RAD51B: variants seen among roughly 807,000 people sequenced by gnomAD.
RAD51B encodes the protein RAD51 paralog B, also known as DNA repair protein RAD51 homolog 2.
In RAD51B, 38 loss-of-function variants were observed where a neutral mutation model predicts 42.2. That is an observed-to-expected ratio of 0.90 (90% CI 0.70 to 1.18). The LOEUF is 1.18. RAD51B is among the 50% of genes most tolerant of loss of function. The probability of loss-of-function intolerance (pLI) is 0.00; values close to 1 mark genes in which losing one functional copy is unlikely to be tolerated. For synonymous variants in RAD51B, 154 were observed against 145.2 expected (o/e 1.06, Z -0.43); for missense variants, 373 against 400.7 (o/e 0.93, Z 0.59).
chr14:68,091,207 G>A (rs190163107), intron 7 of RAD51B, among the ~76,000 whole-genome samples: 1 of 152,174 alleles, frequency 6.6e-6, no homozygotes, highest in African/African-American at 2.4e-5. Flanking sequence ...AATCCTTTGG[G>A]TATATACCCA....
chr14:68,647,987 G>T (rs1427191772), intron 10 of RAD51B, among the ~76,000 whole-genome samples: 2 of 129,682 alleles, frequency 1.5e-5, no homozygotes, highest in African/African-American at 5.8e-5. Context: ...ACTCTGATTA[G>T]TTTTTTAAAA....
chr14:68,644,954 A>T (rs566585223), intron 10 of RAD51B, among the ~76,000 whole-genome samples: 6 of 152,188 alleles, frequency 3.9e-5, no homozygotes, highest in Non-Finnish European at 8.8e-5. Context: ...GACCCTACTC[A>T]GTTTGTTGGT....
chr14:68,636,109 C>T (rs931859886), intron 10 of RAD51B, among the ~76,000 whole-genome samples: 3 of 152,190 alleles, frequency 2.0e-5, no homozygotes, highest in African/African-American at 7.2e-5. Flanking sequence ...TGCTGATTGT[C>T]ACCAAACATC....
chr14:68,324,564 C>G (rs1312040568), intron 8 of RAD51B, among the ~76,000 whole-genome samples: 1 of 152,110 alleles, frequency 6.6e-6, no homozygotes, highest in East Asian at 1.9e-4. Context: ...TCTGAAAGAC[C>G]TCTCTAGAAC....
intron 8 of RAD51B, among the ~76,000 whole-genome samples, chr14:68,325,223 A>C (rs2082226551): frequency 6.6e-6 from 1 of 152,242 alleles, no homozygotes; most frequent in Admixed American, 6.5e-5. Context: ...TAAGTGAGTT[A>C]AGATATGTTT....
intron 8 of RAD51B, among the ~76,000 whole-genome samples, chr14:68,334,373 A>C (rs1011535932): frequency 7.9e-5 from 12 of 152,218 alleles, no homozygotes; most frequent in Non-Finnish European, 1.6e-4. Flanking sequence ...AAGAGAAAAC[A>C]TATTTACCAT....
At chr14:68,387,094 G>A (rs945646403) in intron 8 of RAD51B, 4 of 152,282 alleles carry the variant, frequency 2.6e-5, no homozygotes, top group Admixed American at 1.3e-4. Flanking sequence ...CTACTGACCC[G>A]TTTCCTCTCA....
intron 7 of RAD51B, among the ~76,000 whole-genome samples, chr14:68,069,980 G>A (rs1283732343): frequency 1.3e-5 from 2 of 151,968 alleles, no homozygotes; most frequent in Non-Finnish European, 2.9e-5. Context: ...TGGCCAATCT[G>A]ACTGATGTGA....
At chr14:68,085,331 T>C (rs915819033) in intron 7 of RAD51B, among the ~76,000 whole-genome samples, 1 of 152,160 alleles carries the variant, frequency 6.6e-6, no homozygotes, top group South Asian at 2.1e-4. Flanking sequence ...GCTAGTTTAA[T>C]TGAAATCAAG....
intron 8 of RAD51B, among the ~76,000 whole-genome samples, chr14:68,402,520 T>C (rs1414703310): frequency 6.6e-6 from 1 of 152,228 alleles, no homozygotes. Context: ...TTTGTTACTA[T>C]GAAGTTGTGT....
chr14:68,173,409 A>T (rs915534522), intron 7 of RAD51B, among the ~76,000 whole-genome samples: 1 of 152,198 alleles, frequency 6.6e-6, no homozygotes, highest in African/African-American at 2.4e-5. Context: ...CCAAGATTTT[A>T]TTATCCAAGA....
intron 5 of RAD51B, among the ~76,000 whole-genome samples, chr14:67,870,262 CAA>C (rs2042478217): frequency 1.3e-5 from 2 of 151,432 alleles, no homozygotes; most frequent in Non-Finnish European, 2.9e-5. Context: ...AAATGGAAAA[CAA>C]AAAAAGGCAG....
chr14:68,330,216 G>GTT (rs1338443423), intron 8 of RAD51B, among the ~76,000 whole-genome samples: 2 of 152,150 alleles, frequency 1.3e-5, no homozygotes, highest in Non-Finnish European at 2.9e-5. Flanking sequence ...CAATTGAAAT[G>GTT]ATTAAAAGCA....
intron 2 of RAD51B, among the ~76,000 whole-genome samples, chr14:67,823,923 TACTATTCA>T (rs2040721046): frequency 6.6e-6 from 1 of 152,236 alleles, no homozygotes; most frequent in Non-Finnish European, 1.5e-5. Flanking sequence ...AATGAGGAGA[TACTATTCA>T]ACATGTATCA....
At chr14:67,821,484 G>T (rs2040624658) in intron 1 of RAD51B, among the ~76,000 whole-genome samples, 1 of 152,148 alleles carries the variant, frequency 6.6e-6, no homozygotes, top group Admixed American at 6.6e-5. Context: ...TTTTGATAGG[G>T]TCTCAGTCTG....
intron 11 of RAD51B, among the ~76,000 whole-genome samples, chr14:68,651,087 G>A (rs570980679): frequency 6.6e-6 from 1 of 152,342 alleles, no homozygotes; most frequent in Admixed American, 6.5e-5. Context: ...ATTAAGATCA[G>A]TATATTCTAT....
intron 7 of RAD51B, among the ~76,000 whole-genome samples, chr14:67,900,873 C>T (rs903333580): frequency 2.6e-5 from 4 of 152,082 alleles, no homozygotes; most frequent in Non-Finnish European, 4.4e-5. Flanking sequence ...GCTTAGTTTA[C>T]TGGGTTGCCC....
At chr14:68,268,742 G>T (rs1375642452) in intron 7 of RAD51B, among the ~76,000 whole-genome samples, 1 of 152,178 alleles carries the variant, frequency 6.6e-6, no homozygotes, top group Non-Finnish European at 1.5e-5. Flanking sequence ...CAAAGGCACA[G>T]AGCATCTTTA....
chr14:68,307,002 T>A (rs1164029763), intron 8 of RAD51B, among the ~76,000 whole-genome samples: 1 of 117,026 alleles, frequency 8.5e-6, no homozygotes, highest in Admixed American at 9.8e-5. Context: ...TGGATGAAAA[T>A]ATTGATTTTT....
Sources: allele counts gnomAD v4.1 joint callset (sites outside exome capture counted in the v4.1 genomes callset), GRCh38; gene constraint gnomAD v4.1.1; transcripts MANE v1.5; gene names NCBI Gene and HGNC (gene_info 2026-07-23, HGNC 2026-07-21).